The following RYR3 variants were observed in gnomAD, a reference collection of about 807,000 sequenced individuals.
RYR3 encodes ryanodine receptor 3.
RYR3 carries 207 observed loss-of-function variants against 584.3 expected under a neutral mutation model. The ratio of observed to expected loss-of-function variants is 0.35; its 90% confidence interval spans 0.32 to 0.40. The LOEUF is 0.40. RYR3 is among the 10% of genes least tolerant of loss of function. The pLI, the probability that RYR3 is intolerant of heterozygous loss-of-function variation, is 1.00. For missense variants in RYR3, 5,616 were observed against 6,089.2 expected (o/e 0.92, Z 2.59); for synonymous variants, 2,416 against 2,248.5 (o/e 1.07, Z -2.11).
intron 95 of RYR3, 88 bp downstream of exon 95, chr15:33,853,175 A>C: frequency 9.1e-7 from 1 of 1,103,082 alleles, no homozygotes; most frequent in Non-Finnish European, 1.3e-6. Flanking sequence ...ACATGAGTAA[A>C]TGTGATGCTA....
intron 46 of RYR3, 76 bp downstream of exon 46, chr15:33,726,582 A>C (rs1417988819): frequency 9.7e-6 from 14 of 1,449,544 alleles, no homozygotes; most frequent in African/African-American, 1.4e-5. Context: ...TGTCCCCAGC[A>C]CAGTGGCCCC....
chr15:33,377,876 G>A (rs1159909024), intron 1 of RYR3, among the ~76,000 whole-genome samples: 1 of 84,912 alleles, frequency 1.2e-5, no homozygotes, highest in Non-Finnish European at 2.4e-5. Flanking sequence ...TCACTCCCAG[G>A]CCCAGGCAAT....
At chr15:33,572,322 G>A (rs927179007) in intron 12 of RYR3, among the ~76,000 whole-genome samples, 5 of 152,094 alleles carry the variant, frequency 3.3e-5, no homozygotes, top group Admixed American at 3.3e-4. Flanking sequence ...CTTTCAGCCT[G>A]AAGGACTTCC....
In RYR3 at chr15:33,790,845, C is replaced by T. The variant is rs112211519; in HGVS notation, c.9830+2387C>T. Among the ~76,000 whole-genome samples the T allele has an allele frequency of 9.9e-5, 15 of 152,162 alleles. 1 individual carries two copies. The highest frequency in any genetic ancestry group is 4.1e-4 in the South Asian group (2 of 4,820). The stretch of plus-strand genomic sequence containing the variant: ...AATGAGACTGAGAGGGAGAAACCAA[C>T]GAGACAGTAGGAAAGCCAACAGAAT... On this transcript the variant is annotated intron_variant, in intron 67 of 103. Coordinates refer to ENST00000634891, the MANE Select transcript of RYR3 (RefSeq NM_001036.6).
intron 66 of RYR3, among the ~76,000 whole-genome samples, chr15:33,787,455 G>A (rs1183960006): frequency 2.6e-5 from 4 of 151,888 alleles, no homozygotes; most frequent in Admixed American, 6.6e-5. Flanking sequence ...AAAGGTGAAT[G>A]TAGATTGTCA....
At chr15:33,595,200 A>G (rs1037919253) in intron 16 of RYR3, among the ~76,000 whole-genome samples, 1 of 152,350 alleles carries the variant, frequency 6.6e-6, no homozygotes, top group Middle Eastern at 3.4e-3. Flanking sequence ...TGATAATTCA[A>G]GCATTTCAAA....
In RYR3 at chr15:33,512,875, G is replaced by A. The variant is rs974777264; in HGVS notation, c.279+9137G>A. On this transcript the variant is annotated intron_variant, in intron 3 of 103. Coordinates refer to ENST00000634891, the MANE Select transcript of RYR3 (RefSeq NM_001036.6). ...ATTGGGGGTGTCTAAGCTTTCTCCA[G>A]GACACAATCTGTAGGTAAACAGTTT... 3.5e-4 allele frequency among the ~76,000 whole-genome samples: 53 copies of A among 152,148 alleles called. 1 individual carries two copies. The highest frequency in any genetic ancestry group is 1.2e-4 in the Non-Finnish European group (8 of 68,032).
Position 33,838,007 on chromosome 15 carries a change from C to T in RYR3, c.12027C>T (p.Ser4009=). 6.2e-7 allele frequency: 1 copy of T among 1,613,930 alleles called. No homozygotes were observed. Among genetic ancestry groups the T allele is most frequent in the Admixed American group, 1.7e-5 (1 of 60,022 alleles). Residue 4009 remains serine (S), a synonymous_variant, in exon 89 of 104, where the codon TCC becomes TCT. Coordinates refer to ENST00000634891, the MANE Select transcript of RYR3 (RefSeq NM_001036.6). ...TNLSEHMPND[S]RLKCLLDPAE... The stretch of plus-strand genomic sequence containing the variant: ...TTTCTGAACACATGCCAAACGATTC[C>T]CGCCTGAAGTGTCTGTTGGACCCAG...
intron 38 of RYR3, among the ~76,000 whole-genome samples, chr15:33,674,806 AG>A (rs1279405566): frequency 3.5e-5 from 5 of 143,294 alleles, no homozygotes; most frequent in Non-Finnish European, 7.7e-5. Context: ...AAAAAAAAAA[AG>A]CTGCTTCAAC....
chr15:33,386,225 G>T (rs1302887129), intron 1 of RYR3, among the ~76,000 whole-genome samples: 3 of 151,942 alleles, frequency 2.0e-5, no homozygotes, highest in Non-Finnish European at 4.4e-5. Context: ...TAGAAAATTT[G>T]TACTAAATAT....
chr15:33,426,238 A>C (rs2044647224), intron 1 of RYR3, among the ~76,000 whole-genome samples: 1 of 152,242 alleles, frequency 6.6e-6, no homozygotes, highest in Non-Finnish European at 1.5e-5. Flanking sequence ...TTAATACTTT[A>C]AAATACTTTG....
intron 20 of RYR3, among the ~76,000 whole-genome samples, chr15:33,625,621 A>G (rs576399543): frequency 8.5e-5 from 13 of 152,346 alleles, no homozygotes; most frequent in African/African-American, 3.1e-4. Context: ...GAGTTCACAA[A>G]GGAATGTGGC....
intron 99 of RYR3, 139 bp downstream of exon 99, chr15:33,858,053 A>T: frequency 4.4e-6 from 5 of 1,135,200 alleles, no homozygotes; most frequent in Non-Finnish European, 6.1e-6. Flanking sequence ...AGATTAAAGT[A>T]GAAGACAGAT....
chr15:33,686,648 C>G (rs1481085859), intron 38 of RYR3, among the ~76,000 whole-genome samples: 1 of 152,178 alleles, frequency 6.6e-6, no homozygotes, highest in African/African-American at 2.4e-5. Context: ...GACCAATACC[C>G]CTGATGAACA....
intron 1 of RYR3, among the ~76,000 whole-genome samples, chr15:33,362,360 G>T (rs911940364): frequency 3.9e-5 from 6 of 151,974 alleles, no homozygotes; most frequent in African/African-American, 1.5e-4. Flanking sequence ...TGTAGAATAG[G>T]GCCTGGCACA....
intron 69 of RYR3, among the ~76,000 whole-genome samples, chr15:33,805,118 C>G (rs957053389): frequency 4.6e-5 from 7 of 152,194 alleles, no homozygotes; most frequent in Non-Finnish European, 4.4e-5. Context: ...TGTAACTAAG[C>G]TGAGCAAGTG....
At chr15:33,718,060 G>A (rs766983565) in intron 43 of RYR3, among the ~76,000 whole-genome samples, 2 of 152,194 alleles carry the variant, frequency 1.3e-5, no homozygotes, top group Non-Finnish European at 2.9e-5. Context: ...GCAAATAGAG[G>A]TGTTGGATCC....
At chr15:33,668,432 C>G (rs4640150) in intron 36 of RYR3, among the ~76,000 whole-genome samples, 120,303 of 152,074 alleles carry the variant, frequency 0.79, 49,279 homozygotes, top group East Asian at 0.92. Context: ...CTAGAGGTGT[C>G]CAAAGCACTC....
chr15:33,452,400 G>GA (rs1025651937), intron 1 of RYR3, among the ~76,000 whole-genome samples: 2 of 151,806 alleles, frequency 1.3e-5, no homozygotes, highest in Non-Finnish European at 2.9e-5. Context: ...CAACCAAAGA[G>GA]AAAAAAAATC....
Sources: allele counts gnomAD v4.1 joint callset (sites outside exome capture counted in the v4.1 genomes callset), GRCh38; gene constraint gnomAD v4.1.1; transcripts MANE v1.5; gene names NCBI Gene and HGNC (gene_info 2026-07-23, HGNC 2026-07-21).